DSCAM: variants seen among roughly 807,000 people sequenced by gnomAD.
DSCAM encodes the protein cell adhesion molecule DSCAM.
A neutral mutation model predicts 217.7 loss-of-function variants in DSCAM; 47 were observed. The observed-to-expected ratio is 0.22, with a 90% CI of 0.17 to 0.28. DSCAM has a LOEUF of 0.28. DSCAM is among the 10% of genes least tolerant of loss of function. The probability of loss-of-function intolerance (pLI) is 1.00; values close to 1 mark genes in which losing one functional copy is unlikely to be tolerated. For synonymous variants in DSCAM, 1,056 were observed against 1,015.3 expected (o/e 1.04, Z -0.76); for missense variants, 2,080 against 2,618.3 (o/e 0.79, Z 4.49).
At chr21:40,092,205 C>G (rs2089619842) in intron 21 of DSCAM, among the ~76,000 whole-genome samples, 1 of 152,106 alleles carries the variant, frequency 6.6e-6, no homozygotes, top group Non-Finnish European at 1.5e-5. Context: ...CCTTCTTCCC[C>G]CATCTATTTA....
chr21:40,181,802 C>G (rs917601128), intron 14 of DSCAM, among the ~76,000 whole-genome samples: 2 of 152,068 alleles, frequency 1.3e-5, no homozygotes, highest in East Asian at 3.9e-4. Context: ...ACTGTACCAT[C>G]TGTGGGTTTG....
At position 40,731,731 on chromosome 21, in the gene DSCAM, C is replaced by G. The variant is rs1038450270; in HGVS notation, c.44-22960G>C. Reference sequence around the variant, plus strand: ...TTAATTACCTCCTTCCCACTGCACCCCCCCCCCCGCCCCCCGGGTGAGAGT... The same window carrying G: ...TTAATTACCTCCTTCCCACTGCACCGCCCCCCCCGCCCCCCGGGTGAGAGT... On this transcript the variant is annotated intron_variant, in intron 1 of 32. Coordinates refer to ENST00000400454, the MANE Select transcript of DSCAM (RefSeq NM_001389.5). Among the ~76,000 whole-genome samples, 27 of 115,708 alleles carry G rather than the reference C, an allele frequency of 2.3e-4. 1 individual carries two copies. The highest frequency in any genetic ancestry group is 1.2e-3 in the South Asian group (3 of 2,468). 75.9% of individuals were successfully genotyped at this position (115,708 alleles called of 152,430 possible).
chr21:40,148,838 C>A (rs1482616683), intron 16 of DSCAM, among the ~76,000 whole-genome samples: 1 of 152,116 alleles, frequency 6.6e-6, no homozygotes, highest in Non-Finnish European at 1.5e-5. Context: ...ATTACAACCA[C>A]CAGTATCAAC....
chr21:40,709,962 T>C (rs1184285255), intron 1 of DSCAM, among the ~76,000 whole-genome samples: 1 of 152,202 alleles, frequency 6.6e-6, no homozygotes, highest in East Asian at 1.9e-4. Flanking sequence ...ACCAACAGTG[T>C]TAAAGCGTTC....
At chr21:40,179,202 A>T in intron 14 of DSCAM, 108 bp from the exon 15 acceptor site, 1 of 1,079,006 alleles carries the variant, frequency 9.3e-7, no homozygotes, top group Non-Finnish European at 1.3e-6. Flanking sequence ...AAAAAAAAAA[A>T]AAAAAAAGAC....
rs1246473569 is a variant in DSCAM at position 40,167,391 on chromosome 21, T to C, written c.2948-103A>G. 1.1e-5 allele frequency: 11 copies of C among 985,296 alleles called. No individual in the cohort carries two copies. In the Admixed American group the frequency reaches 2.3e-4, roughly 21 times the overall value. The allele number at this position is 985,296 out of a possible 1,614,324, so 61.0% of individuals were successfully genotyped here. A position where few individuals can be genotyped will look rare whatever the true frequency, so the allele number is the denominator to read the frequency against. On this transcript the variant is annotated intron_variant, in intron 15 of 32. Coordinates refer to ENST00000400454, the MANE Select transcript of DSCAM (RefSeq NM_001389.5). ...CCCCGAGGACAACCCATCCCTATGT[T>C]TGGCACAGAGAAAGAAGTTTTTAGC...
At chr21:40,224,974 T>A (rs570078765) in intron 11 of DSCAM, among the ~76,000 whole-genome samples, 2 of 152,208 alleles carry the variant, frequency 1.3e-5, no homozygotes, top group Non-Finnish European at 2.9e-5. Flanking sequence ...GTAAGTTGGT[T>A]TGAATTAGAA....
At chr21:40,514,352 A>C (rs2076283314) in intron 3 of DSCAM, among the ~76,000 whole-genome samples, 1 of 152,214 alleles carries the variant, frequency 6.6e-6, no homozygotes, top group African/African-American at 2.4e-5. Flanking sequence ...CCATCTTATT[A>C]ATTGGACTAC....
chr21:40,441,036 T>C (rs1442346252), intron 3 of DSCAM, among the ~76,000 whole-genome samples: 4 of 152,154 alleles, frequency 2.6e-5, no homozygotes, highest in African/African-American at 9.7e-5. Context: ...ACCCCAAGCT[T>C]ACTCAGTTGG....
intron 3 of DSCAM, among the ~76,000 whole-genome samples, chr21:40,478,928 G>C (rs150215505): frequency 6.6e-6 from 1 of 152,118 alleles, no homozygotes; most frequent in Admixed American, 6.5e-5. Flanking sequence ...ACAATATACT[G>C]TATTCTGAGT....
chr21:40,705,114 T>C (rs930390162), intron 2 of DSCAM, among the ~76,000 whole-genome samples: 2 of 152,136 alleles, frequency 1.3e-5, no homozygotes, highest in African/African-American at 4.8e-5. Context: ...AAAGCTAAGG[T>C]TGAGAACTAG....
At chr21:40,492,788 G>A (rs2146016296) in intron 3 of DSCAM, among the ~76,000 whole-genome samples, 1 of 152,150 alleles carries the variant, frequency 6.6e-6, no homozygotes, top group African/African-American at 2.4e-5. Flanking sequence ...GCAAAGAAGA[G>A]GAAGACTAAG....
At chr21:40,075,347 G>T in intron 26 of DSCAM, 134 bp from the exon 27 acceptor site, 1 of 952,670 alleles carries the variant, frequency 1.0e-6, no homozygotes, top group Non-Finnish European at 1.5e-6. Flanking sequence ...AAAGAACTCT[G>T]TCTCTAGGCC....
intron 1 of DSCAM, among the ~76,000 whole-genome samples, chr21:40,760,718 C>G (rs1406940959): frequency 6.6e-6 from 1 of 152,192 alleles, no homozygotes; most frequent in Non-Finnish European, 1.5e-5. Flanking sequence ...TGATGCCTGG[C>G]TTGGCTGTGC....
chr21:40,650,114 C>T (rs183670085), intron 3 of DSCAM, among the ~76,000 whole-genome samples: 5 of 152,230 alleles, frequency 3.3e-5, no homozygotes, highest in East Asian at 3.9e-4. Context: ...AAATCACTGA[C>T]GGGGACTTTT....
At position 40,296,192 on chromosome 21, in the gene DSCAM, T is replaced by C; in HGVS notation, c.2063-18A>G. 1.9e-6 allele frequency: 3 copies of C among 1,613,260 alleles called. No individual in the cohort carries two copies. The highest frequency in any genetic ancestry group is 2.5e-6 in the Non-Finnish European group (3 of 1,179,696). On this transcript the variant is annotated intron_variant, in intron 9 of 32. Transcript: ENST00000400454. ...GGGAGGAACTGAAAAGAGAGAAATG[T>C]CACCAGTAATTAAGACTAGACCAGA... is the stretch of plus-strand genomic sequence containing the variant.
At chr21:40,414,833 G>C (rs1024702755) in intron 3 of DSCAM, among the ~76,000 whole-genome samples, 1 of 152,148 alleles carries the variant, frequency 6.6e-6, no homozygotes, top group Non-Finnish European at 1.5e-5. Flanking sequence ...AGGTCTAAAA[G>C]CTAAAAAGAT....
chr21:40,725,710 A>G (rs2146515627), intron 1 of DSCAM, among the ~76,000 whole-genome samples: 1 of 152,292 alleles, frequency 6.6e-6, no homozygotes, highest in East Asian at 1.9e-4. Flanking sequence ...AAAAGGTGCC[A>G]TCATTTCTGG....
chr21:40,467,058 G>T (rs1259620476), intron 3 of DSCAM, among the ~76,000 whole-genome samples: 2 of 152,222 alleles, frequency 1.3e-5, no homozygotes, highest in African/African-American at 4.8e-5. Context: ...AGCCAAAGAT[G>T]TATGTCTGTA....
Sources: gnomAD v4.1 joint callset for allele counts (sites outside exome capture counted in the v4.1 genomes callset) on GRCh38, gnomAD v4.1.1 for gene constraint, MANE v1.5 for transcripts, NCBI Gene and HGNC (gene_info 2026-07-23, HGNC 2026-07-21) for gene names.